ICMT: variants seen among roughly 807,000 people sequenced by gnomAD.
ICMT encodes the protein isoprenylcysteine carboxyl methyltransferase, also known as protein-S-isoprenylcysteine O-methyltransferase.
Under a neutral mutation model 32.2 loss-of-function variants are expected in ICMT, and 10 were observed. The observed-to-expected ratio is 0.31, with a 90% CI of 0.19 to 0.53. The LOEUF (loss-of-function observed/expected upper bound fraction) is 0.53, where lower values mean the gene tolerates loss of function less well. Ranked by LOEUF, ICMT falls within the 20% of genes least tolerant of loss-of-function variation. ICMT has a pLI of 0.96. For synonymous variants in ICMT, 183 were observed against 158.2 expected, an observed-to-expected ratio of 1.16 and a Z score of -1.18; for missense variants, 265 against 356.9, an observed-to-expected ratio of 0.74 and a Z score of 2.07.
At position 6,235,708 on chromosome 1, in the gene ICMT, G is replaced by A. The variant is rs1668814086; in HGVS notation, c.195+9C>T. 3 of 1,230,944 alleles carry A rather than the reference G, an allele frequency of 2.4e-6. No individual in the cohort carries two copies. The highest frequency in any genetic ancestry group is 4.1e-5 in the East Asian group (1 of 24,422). The allele number at this position is 1,230,944 out of a possible 1,614,324, so 76.3% of individuals were successfully genotyped here. A position where few individuals can be genotyped will look rare whatever the true frequency, so the allele number is the denominator to read the frequency against. ...CCGCCGGCCCCCGCCGGCCCCCGCC[G>A]GCCTGCACCTGGTAGCGAGGCGGCC... On this transcript the variant is annotated intron_variant, in intron 1 of 4. Transcript: ENST00000343813.
intron 3 of ICMT, among the ~76,000 whole-genome samples, chr1:6,232,396 A>AC (rs1434908649): frequency 6.6e-6 from 1 of 152,114 alleles, no homozygotes; most frequent in Admixed American, 6.6e-5. Flanking sequence ...CTGGTTCACG[A>AC]CCCCCGGCCA....
chr1:6,228,476 G>A (rs1158342713), intron 4 of ICMT, among the ~76,000 whole-genome samples: 1 of 152,026 alleles, frequency 6.6e-6, no homozygotes, highest in Non-Finnish European at 1.5e-5. Context: ...CCAAGTAGCT[G>A]GGACTACAGA....
intron 4 of ICMT, among the ~76,000 whole-genome samples, chr1:6,229,845 A>G (rs1205228912): frequency 5.3e-5 from 8 of 151,814 alleles, no homozygotes; most frequent in Non-Finnish European, 1.2e-4. Flanking sequence ...GCAGTGGCTC[A>G]CACCTATAAT....
Position 6,235,766 on chromosome 1 carries a change from GC to G in ICMT, c.145del (p.Ala49ProfsTer18). 7.4e-7 allele frequency: 1 copy of G among 1,343,324 alleles called. No homozygotes were observed. Among genetic ancestry groups the G allele is most frequent in the Non-Finnish European group, 9.6e-7 (1 of 1,037,750 alleles). 83.2% of individuals were successfully genotyped at this position (1,343,324 alleles called of 1,614,324 possible). ...QGRTGLALYV[A>X]GLNALLLLLY... ...CAGCAGCAGCAGCGCGTTGAGCCCGGCCACGTAGAGCGCCAGCCCGGTGCGG... is the reference window on the plus strand; with the variant it reads ...CAGCAGCAGCAGCGCGTTGAGCCCGGCACGTAGAGCGCCAGCCCGGTGCGG... On this transcript the variant is annotated frameshift_variant, in exon 1 of 5. Transcript: ENST00000343813. LOFTEE classifies it high-confidence loss of function.
rs1217352044 is a variant in ICMT at position 6,223,472 on chromosome 1, AATTC to A, written c.*1604_*1607del. The A allele has an allele frequency of 1.3e-5, 2 of 150,300 alleles. No homozygotes were observed. The highest frequency in any genetic ancestry group is 4.8e-5 in the African/African-American group (2 of 41,366). The allele number at this position is 150,300 out of a possible 1,614,324, so 9.3% of individuals were successfully genotyped here. Reference sequence around the variant, plus strand: ...TCTTTGGTATATATAACAATGAAAAAATTCATTAAGCCATGAAATCTAGAAATAA... The same window carrying A: ...TCTTTGGTATATATAACAATGAAAAAATTAAGCCATGAAATCTAGAAATAA... On this transcript the variant is annotated 3_prime_UTR_variant, in exon 5 of 5. Transcript: ENST00000343813.
At chr1:6,227,483 C>G (rs4908868) in intron 4 of ICMT, among the ~76,000 whole-genome samples, 18,049 of 152,208 alleles carry the variant, frequency 0.12, 1,459 homozygotes, top group African/African-American at 0.24. Context: ...CCAAACACTT[C>G]GTGAATTTTC....
Position 6,225,017 on chromosome 1 carries a change from G to C in ICMT, c.*63C>G. On this transcript the variant is annotated 3_prime_UTR_variant, in exon 5 of 5. Coordinates refer to ENST00000343813, the MANE Select transcript of ICMT (RefSeq NM_012405.4). The stretch of plus-strand genomic sequence containing the variant: ...AAATCCATGTGGCAGCGGCCAACCG[G>C]AAACAGTTTTGTCCCAGGCTGCACA... 1.4e-6 allele frequency: 2 copies of C among 1,408,028 alleles called. No homozygotes were observed. Among genetic ancestry groups the C allele is most frequent in the Non-Finnish European group, 1.9e-6 (2 of 1,027,080 alleles). The allele number at this position is 1,408,028 out of a possible 1,614,324, so 87.2% of individuals were successfully genotyped here. A position where few individuals can be genotyped will look rare whatever the true frequency, so the allele number is the denominator to read the frequency against.
At position 6,224,159 on chromosome 1, in the gene ICMT, G is replaced by A. The variant is rs534794450; in HGVS notation, c.*921C>T. 6.6e-6 allele frequency: 1 copy of A among 152,344 alleles called. No individual in the cohort carries two copies. Among genetic ancestry groups the A allele is most frequent in the East Asian group, 1.9e-4 (1 of 5,188 alleles). The allele number at this position is 152,344 out of a possible 1,614,324, so 9.4% of individuals were successfully genotyped here. A position where few individuals can be genotyped will look rare whatever the true frequency, so the allele number is the denominator to read the frequency against. Reference sequence around the variant, plus strand: ...GTTCTGAGACTGGCATTGAAATTGAGAATATAAGCTATGGTAAAATGAGAA... The same window carrying A: ...GTTCTGAGACTGGCATTGAAATTGAAAATATAAGCTATGGTAAAATGAGAA... On this transcript the variant is annotated 3_prime_UTR_variant, in exon 5 of 5. Transcript: ENST00000343813.
chr1:6,235,729 C>G lies in ICMT; in HGVS notation c.183G>C (p.Pro61=). ...CGCCGGCCTGCACCTGGTAGCGAGG[C>G]GGCCGATAGAGCAGCAGCAGCAGCG... ...LNALLLLLYR[P]PRYQIAIRAC... Residue 61 remains proline (P), a synonymous_variant, in exon 1 of 5, where the codon CCG becomes CCC. Transcript: ENST00000343813. 29 of 1,293,248 alleles carry G rather than the reference C, an allele frequency of 2.2e-5. No individual in the cohort carries two copies. Among genetic ancestry groups the G allele is most frequent in the Non-Finnish European group, 2.9e-5 (29 of 1,011,108 alleles). 80.1% of individuals were successfully genotyped at this position (1,293,248 alleles called of 1,614,324 possible).
At position 6,222,882 on chromosome 1, in the gene ICMT, G is replaced by A. The variant is rs1668578349; in HGVS notation, c.*2198C>T. On this transcript the variant is annotated 3_prime_UTR_variant, in exon 5 of 5. Transcript: ENST00000343813. ...CAGAATCTAACTACATCCTCTCCCG[G>A]TTTGCAGTTCTAGGAAGTGGAATTT... 1 of 152,264 alleles carries A rather than the reference G, an allele frequency of 6.6e-6. No homozygotes were observed. Among genetic ancestry groups the A allele is most frequent in the Non-Finnish European group, 1.5e-5 (1 of 68,050 alleles). 9.4% of individuals were successfully genotyped at this position (152,264 alleles called of 1,614,324 possible).
rs1322648537 is a variant in ICMT at position 6,233,484 on chromosome 1, G to C, written c.444C>G (p.Ile148Met). The change falls in exon 3 of 5, where the codon ATC (isoleucine) becomes ATG (methionine). Residue 148 changes from isoleucine to methionine, a missense_variant. Coordinates refer to ENST00000343813, the MANE Select transcript of ICMT (RefSeq NM_012405.4). ...ATAAGGCACACGAACCTGGCCAAAAGATATTTTCAAGTGTGAACTCTAACC... is the reference window on the plus strand; with the variant it reads ...ATAAGGCACACGAACCTGGCCAAAACATATTTTCAAGTGTGAACTCTAACC... ...SSWLEFTLENIFWPELKQITW... is the reference protein window; with the variant it reads ...SSWLEFTLENMFWPELKQITW... The C allele has an allele frequency of 1.2e-6, 2 of 1,613,502 alleles. No individual in the cohort carries two copies. Among genetic ancestry groups the C allele is most frequent in the South Asian group, 2.2e-5 (2 of 90,906 alleles).
chr1:6,235,627 T>C (rs951958545), intron 1 of ICMT, 90 bp downstream of exon 1: 17 of 918,592 alleles, frequency 1.9e-5, no homozygotes, highest in African/African-American at 1.8e-5. Context: ...GGGAGGCCAC[T>C]GCGGGCCCGG....
intron 3 of ICMT, 62 bp from the exon 4 acceptor site, chr1:6,232,181 G>T: frequency 8.2e-7 from 1 of 1,217,858 alleles, no homozygotes; most frequent in Non-Finnish European, 1.2e-6. Context: ...GCTCCCCTTC[G>T]CACTGCTTAA....
intron 4 of ICMT, among the ~76,000 whole-genome samples, chr1:6,226,116 C>G (rs779448937): frequency 4.6e-5 from 7 of 152,164 alleles, no homozygotes; most frequent in Non-Finnish European, 7.3e-5. Context: ...ACATCCTGGC[C>G]AGGTACGGTG....
chr1:6,225,586 C>A (rs1460081055), intron 4 of ICMT, among the ~76,000 whole-genome samples: 2 of 151,986 alleles, frequency 1.3e-5, no homozygotes, highest in Non-Finnish European at 2.9e-5. Flanking sequence ...CCCATGCACG[C>A]TGCCTTCCTG....
chr1:6,223,430 CAATG>C lies in ICMT; in HGVS notation c.*1646_*1649del, dbSNP rs1420981998. The stretch of plus-strand genomic sequence containing the variant: ...CCGTCTGTCTGGTTTTCAAACCAAT[CAATG>C]AACCCGTAAGCCTCTTTGGTATATA... On this transcript the variant is annotated 3_prime_UTR_variant, in exon 5 of 5. Coordinates refer to ENST00000343813, the MANE Select transcript of ICMT (RefSeq NM_012405.4). 2.0e-5 allele frequency: 3 copies of C among 152,232 alleles called. No individual in the cohort carries two copies. The highest frequency in any genetic ancestry group is 2.0e-4 in the Admixed American group (3 of 15,278). 9.4% of individuals were successfully genotyped at this position (152,232 alleles called of 1,614,324 possible). A position where few individuals can be genotyped will look rare whatever the true frequency, so the allele number is the denominator to read the frequency against.
intron 2 of ICMT, 52 bp from the exon 3 acceptor site, chr1:6,233,695 C>A (rs1239129960): frequency 1.4e-6 from 2 of 1,480,000 alleles, no homozygotes; most frequent in South Asian, 1.2e-5. Flanking sequence ...CCAAGTTAAC[C>A]ATAAGTGCAC....
chr1:6,230,903 G>GAA (rs557858792), intron 4 of ICMT, among the ~76,000 whole-genome samples: 15 of 73,398 alleles, frequency 2.0e-4, no homozygotes, highest in African/African-American at 4.0e-4. Flanking sequence ...TCTCAAAAAG[G>GAA]AAAAAAAAAA....
intron 4 of ICMT, among the ~76,000 whole-genome samples, chr1:6,231,068 T>C (rs1446936384): frequency 6.7e-6 from 1 of 149,466 alleles, no homozygotes; most frequent in Non-Finnish European, 1.5e-5. Context: ...TCAGGCATGG[T>C]GGTTCGTGCC....
Sources: gnomAD v4.1 joint callset for allele counts (sites outside exome capture counted in the v4.1 genomes callset) on GRCh38, gnomAD v4.1.1 for gene constraint, MANE v1.5 for transcripts, NCBI Gene and HGNC (gene_info 2026-07-23, HGNC 2026-07-21) for gene names.